Variants in LRP6 observed in about 807,000 individuals in gnomAD.
LRP6 encodes LDL receptor related protein 6.
LRP6 carries 43 observed loss-of-function variants against 184.1 expected under a neutral mutation model. That is an observed-to-expected ratio of 0.23 (90% CI 0.18 to 0.30). The LOEUF is 0.30. Among genes scored for constraint, LRP6 ranks in the 10% least tolerant of loss-of-function variants. The pLI is 1.00. For missense variants in LRP6, 1,571 were observed against 2,005.3 expected (o/e 0.78, Z 4.14); for synonymous variants, 719 against 684.9 (o/e 1.05, Z -0.78).
chr12:12,264,415 A>G (rs1323983612), intron 1 of LRP6, among the ~76,000 whole-genome samples: 1 of 152,198 alleles, frequency 6.6e-6, no homozygotes, highest in Non-Finnish European at 1.5e-5. Flanking sequence ...CCAAGATTTT[A>G]GTATTGAAAT....
intron 3 of LRP6, among the ~76,000 whole-genome samples, chr12:12,198,924 T>C (rs534434857): frequency 7.2e-5 from 11 of 152,294 alleles, no homozygotes; most frequent in South Asian, 2.1e-4. Flanking sequence ...AAAAAATTTA[T>C]TGAAGATTTG....
intron 2 of LRP6, among the ~76,000 whole-genome samples, chr12:12,207,428 G>T (rs1414185644): frequency 6.7e-6 from 1 of 149,618 alleles, no homozygotes; most frequent in Non-Finnish European, 1.5e-5. Context: ...CTGAGGCAGG[G>T]GAGGCTGAGG....
At chr12:12,218,085 A>T (rs1449581140) in intron 2 of LRP6, among the ~76,000 whole-genome samples, 1 of 152,214 alleles carries the variant, frequency 6.6e-6, no homozygotes, top group African/African-American at 2.4e-5. Flanking sequence ...GAAAGTGAAA[A>T]GGCAACCCAC....
chr12:12,219,710 G>T (rs778979411), intron 2 of LRP6, among the ~76,000 whole-genome samples: 27 of 152,160 alleles, frequency 1.8e-4, no homozygotes, highest in South Asian at 1.7e-3. Flanking sequence ...CCTATGTTTG[G>T]AGAATTCTTC....
chr12:12,195,180 C>T (rs1268601403), intron 3 of LRP6, among the ~76,000 whole-genome samples: 2 of 151,992 alleles, frequency 1.3e-5, no homozygotes, highest in African/African-American at 4.8e-5. Context: ...GCAGATGTCT[C>T]GATACACTGA....
chr12:12,156,387 A>G (rs1454776726), intron 12 of LRP6, among the ~76,000 whole-genome samples: 1 of 152,200 alleles, frequency 6.6e-6, no homozygotes, highest in African/African-American at 2.4e-5. Context: ...AAAGCAAGAG[A>G]GACAAGAGTA....
Position 12,140,517 on chromosome 12 carries a change from C to T in LRP6, c.3398-1983G>A, listed in dbSNP as rs545214157. On this transcript the variant is annotated intron_variant, in intron 15 of 22. Transcript: ENST00000261349. ...AACATTCCAGAATTTAAGGTGTAGA[C>T]TTCTAGACAGAAAGGATCAACCTAG... Among the ~76,000 whole-genome samples, 3 of 151,696 alleles carry T rather than the reference C, an allele frequency of 2.0e-5. No individual in the cohort carries two copies. In the East Asian group the frequency reaches 5.8e-4, roughly 29 times the overall value.
At chr12:12,205,338 A>C (rs936419376) in intron 2 of LRP6, among the ~76,000 whole-genome samples, 441 of 143,098 alleles carry the variant, frequency 3.1e-3, no homozygotes, top group Middle Eastern at 7.3e-3. Flanking sequence ...ACAAAAAAAA[A>C]AAAAAAAAAA....
chr12:12,266,643 G>A, intron 1 of LRP6, 38 bp downstream of exon 1: 1 of 968,720 alleles, frequency 1.0e-6, no homozygotes, highest in Non-Finnish European at 1.4e-6. Flanking sequence ...ACCTCCCCCC[G>A]AACCCCACCA....
intron 1 of LRP6, among the ~76,000 whole-genome samples, chr12:12,247,718 T>C (rs74061145): frequency 0.13 from 20,020 of 152,204 alleles, 1,725 homozygotes; most frequent in African/African-American, 0.24. Context: ...TATAATTTGA[T>C]TTGTAACATT....
chr12:12,197,660 T>A (rs1455070102), intron 3 of LRP6, among the ~76,000 whole-genome samples: 1 of 152,254 alleles, frequency 6.6e-6, no homozygotes, highest in Non-Finnish European at 1.5e-5. Context: ...AGGAGCAATA[T>A]ATGTCCTAAT....
intron 2 of LRP6, among the ~76,000 whole-genome samples, chr12:12,240,934 T>C (rs1358666660): frequency 6.6e-6 from 1 of 152,142 alleles, no homozygotes; most frequent in Admixed American, 6.6e-5. Context: ...CATACACACA[T>C]CTTCCCGTTG....
At chr12:12,136,080 G>C (rs746432997) in intron 16 of LRP6, among the ~76,000 whole-genome samples, 4 of 151,902 alleles carry the variant, frequency 2.6e-5, no homozygotes, top group Non-Finnish European at 5.9e-5. Context: ...CCAGCTACTC[G>C]GGAGGCTGAG....
chr12:12,155,094 G>C (rs1950132405), intron 12 of LRP6, among the ~76,000 whole-genome samples: 2 of 152,152 alleles, frequency 1.3e-5, no homozygotes, highest in Admixed American at 1.3e-4. Flanking sequence ...TACTCAGGAG[G>C]CTAAGACAGG....
Position 12,249,557 on chromosome 12 carries a change from T to G in LRP6, c.56-4902A>C, listed in dbSNP as rs1169539098. On this transcript the variant is annotated intron_variant, in intron 1 of 22. Transcript: ENST00000261349. Reference sequence around the variant, plus strand: ...TCCACAGCAGCAAATTTTCTAGATATGTCTTGTAGACCTCAAAGTACTGGA... The same window carrying G: ...TCCACAGCAGCAAATTTTCTAGATAGGTCTTGTAGACCTCAAAGTACTGGA... 7.0e-5 allele frequency: 35 copies of G among 503,060 alleles called. No individual in the cohort carries two copies. In the East Asian group the frequency reaches 9.8e-4, roughly 14 times the overall value. The allele number at this position is 503,060 out of a possible 1,614,324, so 31.2% of individuals were successfully genotyped here.
chr12:12,174,829 A>C (rs536240521), intron 7 of LRP6, among the ~76,000 whole-genome samples: 129 of 152,208 alleles, frequency 8.5e-4, no homozygotes, highest in Non-Finnish European at 1.6e-3. Context: ...TTTATTCAAA[A>C]GTTCTTGGTA....
At position 12,248,758 on chromosome 12, in the gene LRP6, G is replaced by T. The variant is rs1382645938; in HGVS notation, c.56-4103C>A. 2.0e-5 allele frequency among the ~76,000 whole-genome samples: 3 copies of T among 152,186 alleles called. No homozygotes were observed. The East Asian group carries it at 5.8e-4, about 29-fold the overall frequency. On this transcript the variant is annotated intron_variant, in intron 1 of 22. Coordinates refer to ENST00000261349, the MANE Select transcript of LRP6 (RefSeq NM_002336.3). ...GCCTCCCAAAGTGCTGGGATTACAG[G>T]CTTGAGCCACTGCGCCCAGCCTCTC...
chr12:12,134,147 C>T (rs1949797921), intron 17 of LRP6, among the ~76,000 whole-genome samples: 2 of 152,014 alleles, frequency 1.3e-5, no homozygotes, highest in South Asian at 4.1e-4. Context: ...ACTTGTAATC[C>T]CACCCACCCG....
At chr12:12,256,540 G>A (rs1279346311) in intron 1 of LRP6, among the ~76,000 whole-genome samples, 1 of 151,980 alleles carries the variant, frequency 6.6e-6, no homozygotes, top group African/African-American at 2.4e-5. Flanking sequence ...CAGAGTGGTG[G>A]CTCATGCCTG....
Sources: allele counts gnomAD v4.1 joint callset (sites outside exome capture counted in the v4.1 genomes callset), GRCh38; gene constraint gnomAD v4.1.1; transcripts MANE v1.5; gene names NCBI Gene and HGNC (gene_info 2026-07-23, HGNC 2026-07-21).